ARL15: variants seen among roughly 807,000 people sequenced by gnomAD.
ARL15 encodes ARF like GTPase 15.
Under a neutral mutation model 25.2 loss-of-function variants are expected in ARL15, and 19 were observed. The ratio of observed to expected loss-of-function variants is 0.75; its 90% CI spans 0.53 to 1.10. The LOEUF (loss-of-function observed/expected upper bound fraction) is 1.10. ARL15 is among the 50% of genes least tolerant of loss of function. The pLI is 0.00. For synonymous variants in ARL15, 94 were observed against 86.8 expected (o/e 1.08, Z -0.46); for missense variants, 220 against 246.0 (o/e 0.89, Z 0.71).
At chr5:54,105,138 C>T (rs969498972) in intron 4 of ARL15, among the ~76,000 whole-genome samples, 8 of 151,708 alleles carry the variant, frequency 5.3e-5, no homozygotes, top group Middle Eastern at 3.2e-3. Flanking sequence ...TCTCTATTTT[C>T]AAATTAATTT....
chr5:53,925,449 G>A (rs1745987926), intron 4 of ARL15, among the ~76,000 whole-genome samples: 1 of 152,004 alleles, frequency 6.6e-6, no homozygotes, highest in African/African-American at 2.4e-5. Context: ...CTCTTGCCTT[G>A]GTGTCCCAAA....
chr5:54,206,201 C>T (rs1055126396), intron 1 of ARL15, among the ~76,000 whole-genome samples: 1 of 152,116 alleles, frequency 6.6e-6, no homozygotes, highest in African/African-American at 2.4e-5. Flanking sequence ...AATCCCAGCA[C>T]CTCAAATACC....
chr5:54,219,198 AG>A (rs1412040398), intron 1 of ARL15, among the ~76,000 whole-genome samples: 6 of 152,172 alleles, frequency 3.9e-5, no homozygotes, highest in Non-Finnish European at 8.8e-5. Context: ...TATTAAAATA[AG>A]GTTGGCCATG....
chr5:53,947,948 G>A (rs953761490), intron 4 of ARL15, among the ~76,000 whole-genome samples: 1 of 152,056 alleles, frequency 6.6e-6, no homozygotes, highest in Non-Finnish European at 1.5e-5. Context: ...ATCTCCGTGA[G>A]TGCATTACAC....
chr5:54,304,599 C>T (rs753955189), intron 1 of ARL15, among the ~76,000 whole-genome samples: 29 of 152,192 alleles, frequency 1.9e-4, no homozygotes, highest in Non-Finnish European at 3.8e-4. Context: ...AGAAAAGTTC[C>T]TACCTAATGG....
chr5:54,301,357 C>A (rs1042781787), intron 1 of ARL15, among the ~76,000 whole-genome samples: 1 of 152,066 alleles, frequency 6.6e-6, no homozygotes, highest in East Asian at 1.9e-4. Context: ...ATGGTTTACA[C>A]CCACATGCAT....
intron 4 of ARL15, among the ~76,000 whole-genome samples, chr5:53,902,130 C>T (rs890832217): frequency 1.3e-5 from 2 of 152,198 alleles, no homozygotes; most frequent in Non-Finnish European, 2.9e-5. Context: ...TCTCAATTTT[C>T]TTAAAAGTCT....
intron 4 of ARL15, among the ~76,000 whole-genome samples, chr5:53,925,253 G>A (rs562681547): frequency 6.6e-6 from 1 of 151,432 alleles, no homozygotes; most frequent in Non-Finnish European, 1.5e-5. Flanking sequence ...CTGGAGTGCA[G>A]TGGTGCAATC....
At chr5:53,969,166 AAACAAC>A (rs1747659365) in intron 4 of ARL15, among the ~76,000 whole-genome samples, 1 of 152,140 alleles carries the variant, frequency 6.6e-6, no homozygotes, top group Non-Finnish European at 1.5e-5. Flanking sequence ...ACAAACAAAC[AAACAAC>A]AACAAGAAGA....
At chr5:54,112,460 CAT>C (rs1332045405) in intron 4 of ARL15, among the ~76,000 whole-genome samples, 2 of 152,152 alleles carry the variant, frequency 1.3e-5, no homozygotes, top group East Asian at 1.9e-4. Context: ...GAGGGGAAAT[CAT>C]ATCCTGAAAG....
chr5:54,093,027 A>G (rs1243536946), intron 4 of ARL15, among the ~76,000 whole-genome samples: 1 of 152,182 alleles, frequency 6.6e-6, no homozygotes, highest in Non-Finnish European at 1.5e-5. Context: ...ATACACATAT[A>G]TATTATAGGC....
intron 4 of ARL15, among the ~76,000 whole-genome samples, chr5:54,040,491 G>T (rs1050664865): frequency 9.2e-5 from 14 of 152,096 alleles, no homozygotes; most frequent in African/African-American, 3.1e-4. Flanking sequence ...TGAAATAACA[G>T]CACCTAAAAG....
intron 1 of ARL15, among the ~76,000 whole-genome samples, chr5:54,187,121 T>C (rs373533399): frequency 5.9e-5 from 9 of 152,148 alleles, no homozygotes; most frequent in Admixed American, 2.6e-4. Context: ...GGTAACACTA[T>C]TATAAGTTTA....
chr5:54,026,519 C>T (rs1213014137), intron 4 of ARL15, among the ~76,000 whole-genome samples: 1 of 152,162 alleles, frequency 6.6e-6, no homozygotes, highest in Non-Finnish European at 1.5e-5. Context: ...ATCCTCCCAC[C>T]TCAGCCTCCC....
At chr5:54,165,248 A>C (rs1754529767) in intron 2 of ARL15, among the ~76,000 whole-genome samples, 1 of 152,010 alleles carries the variant, frequency 6.6e-6, no homozygotes, top group South Asian at 2.1e-4. Flanking sequence ...ATACCTCTTA[A>C]AGATATTTAA....
chr5:54,191,504 A>G (rs1031855979), intron 1 of ARL15, among the ~76,000 whole-genome samples: 1 of 152,056 alleles, frequency 6.6e-6, no homozygotes, highest in Non-Finnish European at 1.5e-5. Context: ...AAAAATTTTG[A>G]AAAAAAATCC....
chr5:54,015,335 A>G (rs1749394849), intron 4 of ARL15, among the ~76,000 whole-genome samples: 1 of 152,056 alleles, frequency 6.6e-6, no homozygotes, highest in South Asian at 2.1e-4. Context: ...ACAAACAAAC[A>G]AAAAAACACA....
In ARL15 at chr5:54,304,320, T is replaced by C. The variant is rs74438417; in HGVS notation, c.48+6112A>G. On this transcript the variant is annotated intron_variant, in intron 1 of 4. Coordinates refer to ENST00000504924, the MANE Select transcript of ARL15 (RefSeq NM_019087.3). ...TCCCTGAGCCTCAGTTTAATGCTAT[T>C]ACACATGCAAAGCACTTAGAACACT... Among the ~76,000 whole-genome samples the C allele has an allele frequency of 6.9e-3, 1,056 of 152,324 alleles. 12 individuals are homozygous for C. The highest frequency in any genetic ancestry group is 0.024 in the African/African-American group (989 of 41,566).
At chr5:54,087,449 C>T (rs1221990631) in intron 4 of ARL15, among the ~76,000 whole-genome samples, 1 of 152,124 alleles carries the variant, frequency 6.6e-6, no homozygotes, top group Non-Finnish European at 1.5e-5. Flanking sequence ...ATTTCTAGCC[C>T]TAGATCTCCT....
Sources: gnomAD v4.1 joint callset for allele counts (sites outside exome capture counted in the v4.1 genomes callset) on GRCh38, gnomAD v4.1.1 for gene constraint, MANE v1.5 for transcripts, NCBI Gene and HGNC (gene_info 2026-07-23, HGNC 2026-07-21) for gene names.